The following ILDR2 variants were observed in gnomAD, a reference collection of about 807,000 sequenced individuals.
ILDR2 encodes the protein immunoglobulin-like domain-containing receptor 2.
In ILDR2, 25 loss-of-function variants were observed where a neutral mutation model predicts 66.8. That is an observed-to-expected ratio of 0.37 (90% CI 0.27 to 0.52). The LOEUF (loss-of-function observed/expected upper bound fraction) is 0.52, where lower values mean the gene tolerates loss of function less well. Ranked by LOEUF, ILDR2 falls within the 20% of genes least tolerant of loss-of-function variation. The pLI is 0.88. For missense variants in ILDR2, 827 were observed against 876.8 expected (o/e 0.94, Z 0.72); for synonymous variants, 367 against 357.2 (o/e 1.03, Z -0.31).
chr1:166,925,911 G>A (rs1021914672), intron 7 of ILDR2, among the ~76,000 whole-genome samples: 1 of 152,124 alleles, frequency 6.6e-6, no homozygotes, highest in Non-Finnish European at 1.5e-5. Flanking sequence ...CTCCTCTGTG[G>A]TCCCTGACTC....
chr1:166,956,941 T>C, intron 2 of ILDR2, 89 bp from the exon 3 acceptor site: 1 of 1,369,026 alleles, frequency 7.3e-7, no homozygotes, highest in Non-Finnish European at 1.0e-6. Flanking sequence ...GGGAGAAACC[T>C]TCTGGGGTAT....
chr1:166,897,032 T>C (rs1659180611), intron 2 of ILDR2, among the ~76,000 whole-genome samples: 1 of 152,206 alleles, frequency 6.6e-6, no homozygotes, highest in African/African-American at 2.4e-5. Flanking sequence ...CTATACGCAA[T>C]TGGGAACCAT....
intron 7 of ILDR2, 130 bp from the exon 8 acceptor site, chr1:166,922,939 G>T: frequency 2.7e-6 from 2 of 744,798 alleles, no homozygotes; most frequent in East Asian, 5.3e-5. Flanking sequence ...AGGGTGGGTT[G>T]TAAGCCTGAA....
intron 9 of ILDR2, among the ~76,000 whole-genome samples, chr1:166,920,221 C>T (rs1318473342): frequency 6.6e-6 from 1 of 152,170 alleles, no homozygotes; most frequent in Non-Finnish European, 1.5e-5. Context: ...ACAGCAGTGG[C>T]TCTTAGCCTT....
chr1:166,970,227 G>C (rs116346735), intron 1 of ILDR2, among the ~76,000 whole-genome samples: 242 of 152,210 alleles, frequency 1.6e-3, no homozygotes, highest in African/African-American at 5.6e-3. Flanking sequence ...AGTAGAACCT[G>C]TCCTGTCCAG....
chr1:166,940,195 T>A (rs565345334), intron 3 of ILDR2, among the ~76,000 whole-genome samples: 33 of 152,260 alleles, frequency 2.2e-4, no homozygotes, highest in Admixed American at 3.9e-4. Context: ...ACAGCTGGCA[T>A]TATATGGACC....
chr1:166,909,227 G>C lies in ILDR2; in HGVS notation c.*10128C>G, dbSNP rs11576904. The C allele has an allele frequency of 0.29, 44,104 of 151,988 alleles. 7,048 individuals carry two copies. The highest frequency in any genetic ancestry group is 0.37 in the Non-Finnish European group (25,228 of 67,988). The allele number at this position is 151,988 out of a possible 1,614,324, so 9.4% of individuals were successfully genotyped here. ...TTTGCCTGCTTGGTCAAATGAGCTG[G>C]AAAGTTGTGACTCTCAGACTGCTAG... is the stretch of plus-strand genomic sequence containing the variant. On this transcript the variant is annotated 3_prime_UTR_variant, in exon 10 of 10. Coordinates refer to ENST00000271417, the MANE Select transcript of ILDR2 (RefSeq NM_199351.3).
chr1:166,927,329 T>C, intron 6 of ILDR2, 149 bp from the exon 7 acceptor site: 1 of 582,332 alleles, frequency 1.7e-6, no homozygotes, highest in Non-Finnish European at 3.0e-6. Flanking sequence ...TATTTATACA[T>C]ATGGGACCAT....
chr1:166,963,050 T>G (rs563948135), intron 1 of ILDR2, among the ~76,000 whole-genome samples: 1 of 152,292 alleles, frequency 6.6e-6, no homozygotes, highest in Admixed American at 6.5e-5. Context: ...TTTTATAAAC[T>G]CATCCTTTCT....
At chr1:166,971,275 A>C (rs1490109566) in intron 1 of ILDR2, among the ~76,000 whole-genome samples, 2 of 152,228 alleles carry the variant, frequency 1.3e-5, no homozygotes, top group Admixed American at 6.5e-5. Context: ...CATAGGAGTA[A>C]GTCACTCACT....
At chr1:166,928,747 C>T (rs945070956) in intron 6 of ILDR2, among the ~76,000 whole-genome samples, 3 of 152,218 alleles carry the variant, frequency 2.0e-5, no homozygotes, top group African/African-American at 7.2e-5. Context: ...AAGTCACCCA[C>T]ACACCCATTT....
chr1:166,906,577 T>A (rs1659354164), downstream of ILDR2, among the ~76,000 whole-genome samples: 1 of 152,206 alleles, frequency 6.6e-6, no homozygotes, highest in Admixed American at 6.5e-5. Flanking sequence ...AGACTGGCAA[T>A]GAAGCTGTGA....
chr1:166,920,235 T>C (rs1425082123), intron 9 of ILDR2, among the ~76,000 whole-genome samples: 1 of 152,186 alleles, frequency 6.6e-6, no homozygotes, highest in Non-Finnish European at 1.5e-5. Flanking sequence ...TAGCCTTCTC[T>C]GGGATGTGGG....
intron 1 of ILDR2, among the ~76,000 whole-genome samples, chr1:166,959,144 T>C (rs1026590786): frequency 6.6e-6 from 1 of 152,262 alleles, no homozygotes; most frequent in African/African-American, 2.4e-5. Flanking sequence ...ACTTCTTTGC[T>C]TGGGCAACTT....
rs1486806429 is a variant in ILDR2 at position 166,917,562 on chromosome 1, G to A, written c.*1793C>T. The A allele has an allele frequency of 6.6e-6, 1 of 152,184 alleles. No homozygotes were observed. Among genetic ancestry groups the A allele is most frequent in the Non-Finnish European group, 1.5e-5 (1 of 68,046 alleles). The allele number at this position is 152,184 out of a possible 1,614,324, so 9.4% of individuals were successfully genotyped here. On this transcript the variant is annotated 3_prime_UTR_variant, in exon 10 of 10. Coordinates refer to ENST00000271417, the MANE Select transcript of ILDR2 (RefSeq NM_199351.3). ...TATCCTCCACTCCACAAGAGTGCAGGGTGAAAAGCTTTGATAAAAATTTGT... is the reference window on the plus strand; with the variant it reads ...TATCCTCCACTCCACAAGAGTGCAGAGTGAAAAGCTTTGATAAAAATTTGT...
chr1:166,937,633 A>C (rs1250851955), intron 4 of ILDR2, among the ~76,000 whole-genome samples: 1 of 152,240 alleles, frequency 6.6e-6, no homozygotes, highest in Non-Finnish European at 1.5e-5. Context: ...ATTAAGAGAA[A>C]GGAAACAAAT....
chr1:166,966,025 A>G (rs923399820), intron 1 of ILDR2, among the ~76,000 whole-genome samples: 2 of 152,158 alleles, frequency 1.3e-5, no homozygotes, highest in African/African-American at 2.4e-5. Flanking sequence ...ATTTTGGGAA[A>G]TATTTAAAGA....
intron 2 of ILDR2, among the ~76,000 whole-genome samples, chr1:166,901,271 CTTG>C (rs1659260328): frequency 6.6e-6 from 1 of 152,206 alleles, no homozygotes; most frequent in Non-Finnish European, 1.5e-5. Context: ...CTCCCTTCCT[CTTG>C]GGGGAGAACA....
chr1:166,919,840 A>T (rs1659794927), intron 9 of ILDR2, among the ~76,000 whole-genome samples: 1 of 152,198 alleles, frequency 6.6e-6, no homozygotes, highest in Non-Finnish European at 1.5e-5. Flanking sequence ...ACTAAACACT[A>T]AAGAAAACGT....
Sources: gnomAD v4.1 joint callset for allele counts (sites outside exome capture counted in the v4.1 genomes callset) on GRCh38, gnomAD v4.1.1 for gene constraint, MANE v1.5 for transcripts, NCBI Gene and HGNC (gene_info 2026-07-23, HGNC 2026-07-21) for gene names.